PSMG4: variants seen among roughly 807,000 people sequenced by gnomAD.
The protein encoded by PSMG4 is proteasome (prosome, macropain) assembly chaperone 4.
PSMG4 carries 10 observed loss-of-function variants against 11.0 expected under a neutral mutation model. The ratio of observed to expected loss-of-function variants is 0.91; its 90% CI spans 0.56 to 1.54. The LOEUF (loss-of-function observed/expected upper bound fraction) is 1.54, where lower values mean the gene tolerates loss of function less well. Ranked by LOEUF, PSMG4 falls within the 40% of genes most tolerant of loss-of-function variation. PSMG4 has a pLI of 0.00. For synonymous variants in PSMG4, 95 were observed against 71.3 expected, an observed-to-expected ratio of 1.33 and a Z score of -1.68; for missense variants, 198 against 160.9, an observed-to-expected ratio of 1.23 and a Z score of -1.25.
chr6:3,255,056 A>C (rs79128596), upstream of PSMG4: 9,502 of 1,550,666 alleles, frequency 6.1e-3, 485 homozygotes, highest in African/African-American at 0.11. Flanking sequence ...GACAGGAACA[A>C]ACACACTTGG....
intron 1 of PSMG4, among the ~76,000 whole-genome samples, chr6:3,262,993 C>T (rs907639806): frequency 2.0e-5 from 3 of 152,208 alleles, no homozygotes; most frequent in African/African-American, 7.2e-5. Flanking sequence ...AGAGATTACT[C>T]CCAAAGTAGT....
rs540720115 is a variant in PSMG4 at position 3,267,185 on chromosome 6, TTTA to T, written c.251-405_251-403del. On this transcript the variant is annotated intron_variant, in intron 2 of 2. Transcript: ENST00000438998. ...TTGTGTTTAAATTTTTTTTTTTTTTTTTAAATCAAAACACCAGAAACCCCTCTG... is the reference window on the plus strand; with the variant it reads ...TTGTGTTTAAATTTTTTTTTTTTTTTAATCAAAACACCAGAAACCCCTCTG... The T allele has an allele frequency of 4.5e-3, 674 of 149,880 alleles. 5 individuals are homozygous for T. The highest frequency in any genetic ancestry group is 0.011 in the African/African-American group (437 of 38,446). The allele number at this position is 149,880 out of a possible 1,614,324, so 9.3% of individuals were successfully genotyped here. A position where few individuals can be genotyped will look rare whatever the true frequency, so the allele number is the denominator to read the frequency against.
intron 1 of PSMG4, among the ~76,000 whole-genome samples, chr6:3,262,232 T>C (rs892878889): frequency 8.5e-5 from 13 of 152,212 alleles, no homozygotes; most frequent in African/African-American, 3.1e-4. Flanking sequence ...CCTGGGCATC[T>C]GCTGGGAGAC....
chr6:3,262,871 G>GT (rs1758045310), intron 1 of PSMG4, among the ~76,000 whole-genome samples: 1 of 238 alleles, frequency 4.2e-3, no homozygotes, highest in Non-Finnish European at 7.9e-3. Context: ...TGTAGAGACA[G>GT]ATCTTACTTC....
At chr6:3,254,801 G>C (rs538633217), upstream of PSMG4, among the ~76,000 whole-genome samples, 1 of 152,220 alleles carries the variant, frequency 6.6e-6, no homozygotes, top group East Asian at 1.9e-4. Flanking sequence ...TGGGGTCAGA[G>C]CAACAAGACA....
At chr6:3,254,588 G>A (rs117871065), upstream of PSMG4, among the ~76,000 whole-genome samples, 346 of 152,248 alleles carry the variant, frequency 2.3e-3, 11 homozygotes, top group East Asian at 0.053. Context: ...ACCCAACGAT[G>A]GAAGTAAATA....
At chr6:3,262,277 A>T (rs151087979) in intron 1 of PSMG4, among the ~76,000 whole-genome samples, 1 of 152,280 alleles carries the variant, frequency 6.6e-6, no homozygotes, top group East Asian at 1.9e-4. Context: ...GTAATGAACT[A>T]TTAAGGGTGA....
rs758546229 is a variant in PSMG4 at position 3,263,654 on chromosome 6, G to A, written c.175-30G>A. On this transcript the variant is annotated intron_variant, in intron 1 of 2. Transcript: ENST00000438998. ...TGGCTGGCCTGCGGGGGGTGGAGAAGCTGCAGTGTGCCCTTTGCTTTTCTT... is the reference window on the plus strand; with the variant it reads ...TGGCTGGCCTGCGGGGGGTGGAGAAACTGCAGTGTGCCCTTTGCTTTTCTT... 5 of 1,503,594 alleles carry A rather than the reference G, an allele frequency of 3.3e-6. No individual in the cohort carries two copies. The South Asian group carries it at 6.5e-5, about 19-fold the overall frequency. The allele number at this position is 1,503,594 out of a possible 1,614,324, so 93.1% of individuals were successfully genotyped here.
chr6:3,257,629 A>G (rs371311556), upstream of PSMG4, among the ~76,000 whole-genome samples: 2 of 152,230 alleles, frequency 1.3e-5, no homozygotes, highest in East Asian at 1.9e-4. Context: ...GATGAAGGAA[A>G]GAAGCTGGAC....
chr6:3,259,343 C>T (rs1757882317), intron 1 of PSMG4, 147 bp downstream of exon 1: 2 of 750,118 alleles, frequency 2.7e-6, no homozygotes, highest in South Asian at 1.3e-4. Flanking sequence ...CTTAGGAAGC[C>T]CGCGGGCGCC....
intron 2 of PSMG4, chr6:3,267,385 G>A (rs894075859): frequency 3.2e-5 from 13 of 412,336 alleles, no homozygotes; most frequent in African/African-American, 2.4e-4. Context: ...TCAGAACCCT[G>A]GGTCTGGTGG....
intron 2 of PSMG4, chr6:3,265,441 G>C (rs1758146587): frequency 6.6e-6 from 1 of 152,290 alleles, no homozygotes; most frequent in African/African-American, 2.4e-5. Context: ...CTATGGCCCT[G>C]GAGGGGCACA....
At chr6:3,264,617 C>T in intron 2 of PSMG4, 1 of 297,836 alleles carries the variant, frequency 3.4e-6, no homozygotes, top group Non-Finnish European at 6.2e-6. Context: ...GGACAGAGGT[C>T]AGGGAGGGCA....
At chr6:3,257,869 A>C (rs539602116), upstream of PSMG4, among the ~76,000 whole-genome samples, 1 of 152,382 alleles carries the variant, frequency 6.6e-6, no homozygotes, top group South Asian at 2.1e-4. Flanking sequence ...TGTTAATCAC[A>C]TTTTAATAAA....
upstream of PSMG4, chr6:3,255,035 C>G (rs1461742662): frequency 1.3e-6 from 2 of 1,549,752 alleles, no homozygotes; most frequent in Non-Finnish European, 1.7e-6. Context: ...ATGGCGCTTT[C>G]TGATTCTCTG....
chr6:3,260,291 A>ATTTTTTTTTTTT lies in PSMG4; in HGVS notation c.174+1102_174+1113dup, dbSNP rs869076629. Among the ~76,000 whole-genome samples the ATTTTTTTTTTTT allele has an allele frequency of 5.4e-3, 386 of 70,830 alleles. 26 individuals carry two copies. Among genetic ancestry groups the ATTTTTTTTTTTT allele is most frequent in the Middle Eastern group, 0.011 (1 of 90 alleles). 46.5% of individuals were successfully genotyped at this position (70,830 alleles called of 152,430 possible). A position where few individuals can be genotyped will look rare whatever the true frequency, so the allele number is the denominator to read the frequency against. On this transcript the variant is annotated intron_variant, in intron 1 of 2. Transcript: ENST00000438998. Reference sequence around the variant, plus strand: ...TGTCTTAAATTGTATATATATATATATTTTTTTTTTTTTTTTTTGAAGCAA... The same window carrying ATTTTTTTTTTTT: ...TGTCTTAAATTGTATATATATATATATTTTTTTTTTTTTTTTTTTTTTTTTTTTTTGAAGCAA...
chr6:3,257,844 T>G (rs5003230), upstream of PSMG4, among the ~76,000 whole-genome samples: 1 of 152,102 alleles, frequency 6.6e-6, no homozygotes, highest in South Asian at 2.1e-4. Context: ...ACACTATATA[T>G]GTGCAGTTAT....
At chr6:3,258,937 C>G, upstream of PSMG4, 1 of 1,195,156 alleles carries the variant, frequency 8.4e-7, no homozygotes. Context: ...CGCTCGGTCT[C>G]TCGGTGCTCG....
At chr6:3,263,175 C>T (rs1329149372) in intron 1 of PSMG4, among the ~76,000 whole-genome samples, 1 of 152,188 alleles carries the variant, frequency 6.6e-6, no homozygotes, top group African/African-American at 2.4e-5. Flanking sequence ...ATCAAAGTCA[C>T]AAGGCACTCG....
Sources: gnomAD v4.1 joint callset for allele counts (sites outside exome capture counted in the v4.1 genomes callset) on GRCh38, gnomAD v4.1.1 for gene constraint, MANE v1.5 for transcripts, NCBI Gene and HGNC (gene_info 2026-07-23, HGNC 2026-07-21) for gene names.